TM7SF3: variants seen among roughly 807,000 people sequenced by gnomAD.
The protein encoded by TM7SF3 is seven span transmembrane protein.
In TM7SF3, 60 loss-of-function variants were observed where a neutral mutation model predicts 65.5. The observed-to-expected ratio is 0.92, with a 90% CI of 0.74 to 1.14. The LOEUF (loss-of-function observed/expected upper bound fraction) is 1.14, where lower values mean the gene tolerates loss of function less well. Among genes scored for constraint, TM7SF3 ranks in the 50% most tolerant of loss-of-function variants. The pLI is 0.00. For synonymous variants in TM7SF3, 264 were observed against 259.6 expected, an observed-to-expected ratio of 1.02 and a Z score of -0.16; for missense variants, 623 against 684.8, an observed-to-expected ratio of 0.91 and a Z score of 1.01.
intron 6 of TM7SF3, among the ~76,000 whole-genome samples, chr12:26,985,642 A>C (rs1344379982): frequency 2.0e-5 from 1 of 50,072 alleles, no homozygotes; most frequent in Non-Finnish European, 3.7e-5. Context: ...AAAAAAAAAA[A>C]AAAAAAAAAA....
At chr12:26,980,021 C>T in intron 8 of TM7SF3, 85 bp from the exon 9 acceptor site, 1 of 1,510,650 alleles carries the variant, frequency 6.6e-7, no homozygotes, top group East Asian at 2.3e-5. Context: ...GTTACCAGTG[C>T]CAGCTTCAGC....
chr12:26,987,265 C>T (rs1940138637), intron 6 of TM7SF3, among the ~76,000 whole-genome samples: 1 of 152,148 alleles, frequency 6.6e-6, no homozygotes, highest in African/African-American at 2.4e-5. Context: ...CATAAATGCT[C>T]AATAGGGTTC....
rs576886567 is a variant in TM7SF3, at chr12:26,985,201, G to A, written c.869-2342C>T. ...GAACCCAGACATACTTCAGTCCATCGGTTAAAAATATATGGCCAGGCGCAG... is the reference window on the plus strand; with the variant it reads ...GAACCCAGACATACTTCAGTCCATCAGTTAAAAATATATGGCCAGGCGCAG... On this transcript the variant is annotated intron_variant, in intron 6 of 11. Coordinates refer to ENST00000343028, the MANE Select transcript of TM7SF3 (RefSeq NM_016551.3). 8.0e-4 allele frequency among the ~76,000 whole-genome samples: 121 copies of A among 152,144 alleles called. 1 individual carries two copies. Among genetic ancestry groups the A allele is most frequent in the South Asian group, 2.5e-3 (12 of 4,816 alleles).
intron 9 of TM7SF3, among the ~76,000 whole-genome samples, chr12:26,976,913 C>T (rs1237487490): frequency 1.3e-5 from 2 of 152,190 alleles, no homozygotes; most frequent in African/African-American, 4.8e-5. Context: ...GAAAGAGGAA[C>T]CAACCAACTA....
intron 1 of TM7SF3, chr12:27,012,949 G>A (rs1941302746): frequency 3.2e-6 from 1 of 309,990 alleles, no homozygotes; most frequent in Non-Finnish European, 6.2e-6. Flanking sequence ...AGTCAGCCAA[G>A]ATCATGCCAC....
Position 26,972,005 on chromosome 12 carries a change from G to C in TM7SF3, c.*1960C>G, listed in dbSNP as rs1370053478. On this transcript the variant is annotated 3_prime_UTR_variant, in exon 12 of 12. Transcript: ENST00000343028. ...TACTTTGAAAAAACTTTAAAAAGCA[G>C]CATCATTTAAATAGTGGTTAACTCA... is the stretch of plus-strand genomic sequence containing the variant. 1 of 152,140 alleles carries C rather than the reference G, an allele frequency of 6.6e-6. No individual in the cohort carries two copies. Among genetic ancestry groups the C allele is most frequent in the Non-Finnish European group, 1.5e-5 (1 of 68,030 alleles). 9.4% of individuals were successfully genotyped at this position (152,140 alleles called of 1,614,324 possible). A position where few individuals can be genotyped will look rare whatever the true frequency, so the allele number is the denominator to read the frequency against.
intron 1 of TM7SF3, among the ~76,000 whole-genome samples, chr12:27,010,027 A>G (rs985011773): frequency 1.3e-5 from 2 of 152,204 alleles, no homozygotes; most frequent in Admixed American, 6.5e-5. Flanking sequence ...CGTCTAACAC[A>G]GTATAGTCAC....
At chr12:27,013,944 G>T in intron 1 of TM7SF3, 134 bp downstream of exon 1, 1 of 769,384 alleles carries the variant, frequency 1.3e-6, no homozygotes, top group South Asian at 1.5e-5. Context: ...GCCGGTTCTG[G>T]ACTCACCACC....
At chr12:26,977,868 C>T (rs752029576) in intron 9 of TM7SF3, 34 of 274,090 alleles carry the variant, frequency 1.2e-4, no homozygotes, top group Middle Eastern at 1.3e-3. Context: ...TTTGGGAGGC[C>T]GAGGTGGGAG....
rs202189961 is a variant in TM7SF3 at position 26,974,036 on chromosome 12, G to A, written c.1642C>T (p.Arg548Ter). 2.0e-5 allele frequency: 32 copies of A among 1,613,986 alleles called. No homozygotes were observed. The highest frequency in any genetic ancestry group is 2.4e-5 in the Non-Finnish European group (28 of 1,180,020). ...AAGAGCCCTTTAATCTGGGTTAATCGGCCATAGAGCCTCTCTCTCAATGGA... is the reference window on the plus strand; with the variant it reads ...AAGAGCCCTTTAATCTGGGTTAATCAGCCATAGAGCCTCTCTCTCAATGGA... ...IPPLRERLYG[R>*]LTQIKGLFQK... The change falls in exon 12 of 12, where the codon CGA becomes TGA. Residue 548 changes from arginine (R) to a stop codon, truncating the protein, a stop_gained. Coordinates refer to ENST00000343028, the MANE Select transcript of TM7SF3 (RefSeq NM_016551.3). LOFTEE classifies it high-confidence loss of function.
In TM7SF3 at chr12:26,980,006, AT is replaced by A. The variant is rs1939747830; in HGVS notation, c.1037-71del. 4.4e-6 allele frequency: 7 copies of A among 1,574,406 alleles called. No homozygotes were observed. In the South Asian group the frequency reaches 8.0e-5, roughly 18 times the overall value. ...TCCAACCGCGTGCCTTAGACATACA[AT>A]ACCGTTACCAGTGCCAGCTTCAGCT... On this transcript the variant is annotated intron_variant, in intron 8 of 11. Transcript: ENST00000343028.
chr12:26,994,375 A>C (rs1161777273), intron 5 of TM7SF3, among the ~76,000 whole-genome samples: 3 of 152,218 alleles, frequency 2.0e-5, no homozygotes, highest in Non-Finnish European at 1.5e-5. Context: ...TTTAATATGC[A>C]TAAAAATCAC....
intron 2 of TM7SF3, among the ~76,000 whole-genome samples, chr12:27,001,924 T>G (rs1940846180): frequency 6.6e-6 from 1 of 152,216 alleles, no homozygotes; most frequent in Non-Finnish European, 1.5e-5. Context: ...CTTGGGCAAA[T>G]TCGACGTATG....
rs139476074 is a variant in TM7SF3, at chr12:26,995,578, T to C, written c.519-170A>G. Among the ~76,000 whole-genome samples the C allele has an allele frequency of 2.8e-3, 427 of 152,338 alleles. 1 individual carries two copies. The highest frequency in any genetic ancestry group is 9.7e-3 in the African/African-American group (403 of 41,586). The stretch of plus-strand genomic sequence containing the variant: ...TCTGAAGAAAAGTAATGCACTGTTA[T>C]GGACTGAATGTTTGTGTCTCCCCAA... On this transcript the variant is annotated intron_variant, in intron 4 of 11. Transcript: ENST00000343028.
At chr12:26,980,224 A>C in intron 8 of TM7SF3, 1 of 557,676 alleles carries the variant, frequency 1.8e-6, no homozygotes, top group East Asian at 3.0e-5. Flanking sequence ...TCTGTTAAAC[A>C]TAATGGGGTA....
intron 3 of TM7SF3, among the ~76,000 whole-genome samples, chr12:26,997,486 A>G (rs2136428443): frequency 6.6e-6 from 1 of 152,220 alleles, no homozygotes; most frequent in African/African-American, 2.4e-5. Context: ...CTCTGTTCAT[A>G]ATTTTTCTTT....
chr12:26,979,914 G>A lies in TM7SF3; in HGVS notation c.1059C>T (p.Val353=). ...AGAACATTCCACCGACGCTTCCAGTGACAGCTGTCAGAATCAGATTCACTG... is the reference window on the plus strand; with the variant it reads ...AGAACATTCCACCGACGCTTCCAGTAACAGCTGTCAGAATCAGATTCACTG... ...KYDVNLILTA[V]TGSVGGMFLV... Residue 353 remains valine, a synonymous_variant, in exon 9 of 12, where the codon GTC becomes GTT. Transcript: ENST00000343028. 1.1e-5 allele frequency: 17 copies of A among 1,614,162 alleles called. No individual in the cohort carries two copies. Among genetic ancestry groups the A allele is most frequent in the Non-Finnish European group, 1.4e-5 (17 of 1,180,018 alleles).
At chr12:27,011,684 C>G (rs1307970985) in intron 1 of TM7SF3, among the ~76,000 whole-genome samples, 1 of 152,142 alleles carries the variant, frequency 6.6e-6, no homozygotes, top group Non-Finnish European at 1.5e-5. Context: ...TTCTACCTTT[C>G]TATACTGATT....
At chr12:27,009,664 G>C (rs1430147916) in intron 1 of TM7SF3, among the ~76,000 whole-genome samples, 1 of 152,092 alleles carries the variant, frequency 6.6e-6, no homozygotes, top group South Asian at 2.1e-4. Flanking sequence ...CTTCCAAAGT[G>C]CTGGGATTAC....
Sources: gnomAD v4.1 joint callset for allele counts (sites outside exome capture counted in the v4.1 genomes callset) on GRCh38, gnomAD v4.1.1 for gene constraint, MANE v1.5 for transcripts, NCBI Gene and HGNC (gene_info 2026-07-23, HGNC 2026-07-21) for gene names.